The following ARHGEF3 variants were observed in gnomAD, a reference collection of about 807,000 sequenced individuals.
ARHGEF3 encodes the protein Rho guanine nucleotide exchange factor 3.
In ARHGEF3, 28 loss-of-function variants were observed where a neutral mutation model predicts 63.2. That is an observed-to-expected ratio of 0.44 (90% CI 0.33 to 0.61). The LOEUF (loss-of-function observed/expected upper bound fraction) is 0.61, where lower values mean the gene tolerates loss of function less well. Ranked by LOEUF, ARHGEF3 falls within the 20% of genes least tolerant of loss-of-function variation. ARHGEF3 has a pLI of 0.03. For missense variants in ARHGEF3, 533 were observed against 659.3 expected (o/e 0.81, Z 2.10); for synonymous variants, 266 against 254.2 (o/e 1.05, Z -0.44).
chr3:56,968,572 T>G (rs1355019198), intron 2 of ARHGEF3, among the ~76,000 whole-genome samples: 2 of 149,294 alleles, frequency 1.3e-5, no homozygotes, highest in Non-Finnish European at 3.0e-5. Flanking sequence ...CAAGCAATCC[T>G]CCTGCCTCAG....
In ARHGEF3 at chr3:57,014,618, A is replaced by T. The variant is rs541401256; in HGVS notation, c.62+20470T>A. On this transcript the variant is annotated intron_variant, in intron 2 of 12. Transcript: ENST00000338458. ...TTCTAAACTTTTCAGTTTTTTTACA[A>T]TAAACAGATTAACAGTTAACATAGA... is the stretch of plus-strand genomic sequence containing the variant. Among the ~76,000 whole-genome samples, 3 of 152,362 alleles carry T rather than the reference A, an allele frequency of 2.0e-5. No individual in the cohort carries two copies. In the East Asian group the frequency reaches 5.8e-4, roughly 29 times the overall value.
chr3:56,891,181 TAAA>T (rs140569065), intron 3 of ARHGEF3, among the ~76,000 whole-genome samples: 17 of 138,746 alleles, frequency 1.2e-4, no homozygotes, highest in Middle Eastern at 3.6e-3. Context: ...TTTTAAAAAG[TAAA>T]AAAAAAAAAA....
At chr3:56,908,621 A>G (rs2041769036) in intron 3 of ARHGEF3, among the ~76,000 whole-genome samples, 1 of 152,174 alleles carries the variant, frequency 6.6e-6, no homozygotes, top group African/African-American at 2.4e-5. Context: ...GATACATCAG[A>G]ATGGACCCTG....
chr3:56,995,669 G>GAGAGAGAA (rs1373283304), intron 2 of ARHGEF3, among the ~76,000 whole-genome samples: 1 of 124,772 alleles, frequency 8.0e-6, no homozygotes, highest in African/African-American at 2.8e-5. Flanking sequence ...GAGAGAGAGA[G>GAGAGAGAA]AGAATTTTTT....
intron 1 of ARHGEF3, among the ~76,000 whole-genome samples, chr3:57,042,630 G>A (rs1704233981): frequency 8.0e-6 from 1 of 125,364 alleles, no homozygotes; most frequent in African/African-American, 3.0e-5. Context: ...ACATGTCCCA[G>A]CATAACACTG....
intron 3 of ARHGEF3, among the ~76,000 whole-genome samples, chr3:56,941,487 C>T (rs2108423657): frequency 6.6e-6 from 1 of 152,332 alleles, no homozygotes; most frequent in Non-Finnish European, 1.5e-5. Flanking sequence ...GGATTACAGG[C>T]ATGAGCCATG....
chr3:56,882,318 C>T, exon 4 of ARHGEF3: 1 of 1,551,846 alleles, frequency 6.4e-7, no homozygotes, highest in East Asian at 2.4e-5. Flanking sequence ...CAAAGGCTAA[C>T]AGCATCTTCA....
chr3:56,787,051 A>G (rs2036855203), intron 1 of ARHGEF3, among the ~76,000 whole-genome samples: 1 of 152,210 alleles, frequency 6.6e-6, no homozygotes, highest in Non-Finnish European at 1.5e-5. Flanking sequence ...AGAGAGCAGC[A>G]AGGTTCTCAA....
At chr3:56,923,025 A>AATATATATATATAT (rs72294634) in intron 3 of ARHGEF3, among the ~76,000 whole-genome samples, 22 of 91,252 alleles carry the variant, frequency 2.4e-4, no homozygotes, top group African/African-American at 3.4e-4. Flanking sequence ...ATCTCTACTA[A>AATATATATATATAT]ATATATATAT....
chr3:56,955,755 T>C (rs1700017419), intron 3 of ARHGEF3, among the ~76,000 whole-genome samples: 1 of 152,200 alleles, frequency 6.6e-6, no homozygotes, highest in Admixed American at 6.5e-5. Flanking sequence ...GCCTCACATG[T>C]CTTCATCCTG....
chr3:56,834,746 CAAA>C (rs763133636), intron 4 of ARHGEF3, among the ~76,000 whole-genome samples: 4 of 69,750 alleles, frequency 5.7e-5, no homozygotes, highest in Non-Finnish European at 3.1e-5. Context: ...CTCTGACTTA[CAAA>C]AAAAAAAAAA....
At chr3:57,040,095 T>C (rs1051690729) in intron 1 of ARHGEF3, among the ~76,000 whole-genome samples, 13 of 152,242 alleles carry the variant, frequency 8.5e-5, no homozygotes, top group African/African-American at 3.1e-4. Context: ...TACAACCACA[T>C]GCGGCAACAA....
At chr3:56,867,547 A>C (rs1184932786) in intron 4 of ARHGEF3, among the ~76,000 whole-genome samples, 1 of 152,102 alleles carries the variant, frequency 6.6e-6, no homozygotes, top group African/African-American at 2.4e-5. Context: ...ATCATGGCTC[A>C]CTGCAGCCTT....
At chr3:57,042,696 A>ATTTTTTTTTTTTTT (rs1560156436) in intron 1 of ARHGEF3, among the ~76,000 whole-genome samples, 1 of 33,544 alleles carries the variant, frequency 3.0e-5, no homozygotes. Context: ...ATATATATAT[A>ATTTTTTTTTTTTTT]TATATTTTTT....
intron 2 of ARHGEF3, among the ~76,000 whole-genome samples, chr3:57,030,231 G>A (rs1703676861): frequency 6.6e-6 from 1 of 152,184 alleles, no homozygotes; most frequent in Non-Finnish European, 1.5e-5. Context: ...GGAGGGCCTG[G>A]GCCGGATGTC....
chr3:56,964,786 A>C (rs577875218), intron 2 of ARHGEF3, among the ~76,000 whole-genome samples: 1 of 152,276 alleles, frequency 6.6e-6, no homozygotes, highest in African/African-American at 2.4e-5. Flanking sequence ...GACCTAACAG[A>C]GAAGAAGGAC....
chr3:57,028,615 C>T (rs1306034144), intron 2 of ARHGEF3, among the ~76,000 whole-genome samples: 3 of 134,068 alleles, frequency 2.2e-5, no homozygotes, highest in Admixed American at 7.6e-5. Flanking sequence ...GTGGGTGCAG[C>T]GCACCAGCAT....
intron 3 of ARHGEF3, among the ~76,000 whole-genome samples, chr3:56,953,558 C>A (rs1434226936): frequency 2.0e-5 from 3 of 152,174 alleles, no homozygotes; most frequent in Non-Finnish European, 1.5e-5. Flanking sequence ...AGTGGAGCTA[C>A]CAGTTACAGA....
intron 4 of ARHGEF3, among the ~76,000 whole-genome samples, chr3:56,843,393 G>C (rs2039380054): frequency 6.6e-6 from 1 of 151,842 alleles, no homozygotes. Flanking sequence ...CAGGTAGCTG[G>C]GACTACAGGT....
Sources: allele counts gnomAD v4.1 joint callset (sites outside exome capture counted in the v4.1 genomes callset), GRCh38; gene constraint gnomAD v4.1.1; transcripts MANE v1.5; gene names NCBI Gene and HGNC (gene_info 2026-07-23, HGNC 2026-07-21).